FBXO25: variants seen among roughly 807,000 people sequenced by gnomAD.
FBXO25 encodes the protein F-box only protein 25.
In FBXO25, 45 loss-of-function variants were observed where a neutral mutation model predicts 51.9. The ratio of observed to expected loss-of-function variants is 0.87; its 90% CI spans 0.68 to 1.11. FBXO25 has a LOEUF of 1.11. Ranked by LOEUF, FBXO25 falls within the 50% of genes most tolerant of loss-of-function variation. The pLI is 0.00. For synonymous variants in FBXO25, 199 were observed against 151.0 expected (o/e 1.32, Z -2.33); for missense variants, 507 against 428.5 (o/e 1.18, Z -1.62).
Position 472,547 on chromosome 8 carries a change from G to A in FBXO25, c.*3743G>A, listed in dbSNP as rs1462346112. On this transcript the variant is annotated 3_prime_UTR_variant, in exon 10 of 10. Transcript: ENST00000350302. ...GCCACCCACCACCTTGTGATCTCTT[G>A]GGTTTTGGTGTCCATCTCATAGGAT... The A allele has an allele frequency of 3.2e-5, 4 of 123,480 alleles. No homozygotes were observed. Among genetic ancestry groups the A allele is most frequent in the Non-Finnish European group, 3.2e-5 (2 of 63,130 alleles). 7.6% of individuals were successfully genotyped at this position (123,480 alleles called of 1,614,324 possible).
intron 4 of FBXO25, among the ~76,000 whole-genome samples, chr8:434,491 A>G (rs895778795): frequency 4.6e-5 from 7 of 152,122 alleles, no homozygotes; most frequent in African/African-American, 1.7e-4. Context: ...GATGTTTTAA[A>G]TGAGTATATT....
At chr8:452,404 C>T (rs1208785365) in intron 7 of FBXO25, among the ~76,000 whole-genome samples, 1 of 148,726 alleles carries the variant, frequency 6.7e-6, no homozygotes, top group Non-Finnish European at 1.5e-5. Context: ...TTCGCTGCCT[C>T]TTTTACTGCG....
In FBXO25 at chr8:475,004, G is replaced by C. The variant is rs901470691; in HGVS notation, c.*6200G>C. The C allele has an allele frequency of 5.0e-6, 2 of 400,830 alleles. No homozygotes were observed. Among genetic ancestry groups the C allele is most frequent in the Non-Finnish European group, 9.7e-6 (2 of 205,318 alleles). The allele number at this position is 400,830 out of a possible 1,614,324, so 24.8% of individuals were successfully genotyped here. ...TTGTTTCTTTCTTTTAGTTACCTGT[G>C]TGTGCCTCTGGTGTCATATCTAAGA... On this transcript the variant is annotated 3_prime_UTR_variant, in exon 10 of 10. Coordinates refer to ENST00000350302, the MANE Select transcript of FBXO25 (RefSeq NM_183420.2).
chr8:450,199 AAAT>A (rs3841577), intron 6 of FBXO25, 116 bp downstream of exon 6: 69,559 of 592,652 alleles, frequency 0.12, 5,801 homozygotes, highest in African/African-American at 0.34. Flanking sequence ...ACAATTGTGT[AAAT>A]AATGTGATAA....
intron 8 of FBXO25, among the ~76,000 whole-genome samples, chr8:462,274 G>A (rs1005220404): frequency 6.6e-6 from 1 of 152,166 alleles, no homozygotes; most frequent in African/African-American, 2.4e-5. Flanking sequence ...CCATTTCTGA[G>A]ACTTATTTAG....
At chr8:468,054 C>G in intron 9 of FBXO25, 1 of 1,197,548 alleles carries the variant, frequency 8.4e-7, no homozygotes, top group Middle Eastern at 3.4e-4. Flanking sequence ...TGGAGAGATC[C>G]AGCACTGACC....
intron 1 of FBXO25, among the ~76,000 whole-genome samples, chr8:409,486 G>T (rs1362241994): frequency 6.6e-6 from 1 of 152,134 alleles, no homozygotes; most frequent in South Asian, 2.1e-4. Flanking sequence ...TGAATTATCT[G>T]TAGAGTTTAG....
chr8:461,428 G>C (rs2116814345), intron 8 of FBXO25, among the ~76,000 whole-genome samples: 1 of 152,312 alleles, frequency 6.6e-6, no homozygotes, highest in South Asian at 2.1e-4. Context: ...CATGGCAGCA[G>C]GCAAGAGAGC....
rs947550948 is a variant in FBXO25 at position 472,284 on chromosome 8, A to G, written c.*3480A>G. The G allele has an allele frequency of 3.9e-5, 6 of 152,170 alleles. No individual in the cohort carries two copies. The highest frequency in any genetic ancestry group is 8.8e-5 in the Non-Finnish European group (6 of 68,024). The allele number at this position is 152,170 out of a possible 1,614,324, so 9.4% of individuals were successfully genotyped here. On this transcript the variant is annotated 3_prime_UTR_variant, in exon 10 of 10. Transcript: ENST00000350302. The stretch of plus-strand genomic sequence containing the variant: ...ATCGTGAAAGGGTGTGGATTTTGTC[A>G]AATGCTTTTTCTGCATCTCTTAAGA...
chr8:420,275 C>G (rs1164382796), intron 2 of FBXO25: 1 of 152,174 alleles, frequency 6.6e-6, no homozygotes, highest in Non-Finnish European at 1.5e-5. Flanking sequence ...AGAACAATCA[C>G]GAAGCATCCC....
chr8:430,328 C>G (rs1797750349), intron 2 of FBXO25, among the ~76,000 whole-genome samples: 1 of 152,124 alleles, frequency 6.6e-6, no homozygotes, highest in African/African-American at 2.4e-5. Flanking sequence ...ACAAAAAGTT[C>G]AGTTGTTTGT....
chr8:419,567 T>C (rs1797027821), intron 2 of FBXO25, among the ~76,000 whole-genome samples: 1 of 152,156 alleles, frequency 6.6e-6, no homozygotes, highest in Admixed American at 6.5e-5. Context: ...ATGGAGAAAG[T>C]GTAATCTTGT....
intron 2 of FBXO25, among the ~76,000 whole-genome samples, chr8:430,389 C>G (rs923026646): frequency 6.6e-6 from 1 of 151,968 alleles, no homozygotes; most frequent in African/African-American, 2.4e-5. Flanking sequence ...ACTGTTGGCA[C>G]CGCTGTTTAA....
chr8:466,743 A>G lies in FBXO25; in HGVS notation c.988-1972A>G, dbSNP rs537239600. 7.9e-5 allele frequency among the ~76,000 whole-genome samples: 12 copies of G among 152,064 alleles called. No individual in the cohort carries two copies. The East Asian group carries it at 2.3e-3, about 30-fold the overall frequency. ...GTTTCCCATCTGTTGTGGCTCTACT[A>G]TATTGGAGTTCTTTTTTAACTTTTC... On this transcript the variant is annotated intron_variant, in intron 9 of 9. Transcript: ENST00000350302.
rs1167784849 is a variant in FBXO25 at position 477,046 on chromosome 8, TCTG to T, written c.*8246_*8248del. ...ATTTCCCTTGTGAGTTCCCCATTAATCTGCTGGTTGAGAGCGTTGTTTAATTTT... is the reference window on the plus strand; with the variant it reads ...ATTTCCCTTGTGAGTTCCCCATTAATCTGGTTGAGAGCGTTGTTTAATTTT... On this transcript the variant is annotated 3_prime_UTR_variant, in exon 10 of 10. Transcript: ENST00000350302. 1 of 152,236 alleles carries T rather than the reference TCTG, an allele frequency of 6.6e-6. No homozygotes were observed. Among genetic ancestry groups the T allele is most frequent in the Non-Finnish European group, 1.5e-5 (1 of 68,046 alleles). 9.4% of individuals were successfully genotyped at this position (152,236 alleles called of 1,614,324 possible).
chr8:462,934 A>AAAAGTTTT (rs1799911027), intron 8 of FBXO25, 73 bp from the exon 9 acceptor site: 2 of 1,511,748 alleles, frequency 1.3e-6, no homozygotes, highest in African/African-American at 2.8e-5. Context: ...AATAAAATGA[A>AAAAGTTTT]AAAGTTTTAC....
chr8:440,704 A>C (rs1220340696), intron 5 of FBXO25, among the ~76,000 whole-genome samples: 1 of 152,112 alleles, frequency 6.6e-6, no homozygotes, highest in Non-Finnish European at 1.5e-5. Context: ...CGTCATCTAC[A>C]TTAGGTATTT....
chr8:476,866 T>G lies in FBXO25; in HGVS notation c.*8062T>G, dbSNP rs1281842572. ...TGGCTTTGGGTTGATTGCTCTTCTT[T>G]TTCTAGTTCTTTCAGATGTAAATTT... On this transcript the variant is annotated 3_prime_UTR_variant, in exon 10 of 10. Coordinates refer to ENST00000350302, the MANE Select transcript of FBXO25 (RefSeq NM_183420.2). 6.6e-6 allele frequency: 1 copy of G among 152,176 alleles called. No individual in the cohort carries two copies. The highest frequency in any genetic ancestry group is 1.9e-4 in the East Asian group (1 of 5,202). 9.4% of individuals were successfully genotyped at this position (152,176 alleles called of 1,614,324 possible).
rs1241303132 is a variant in FBXO25 at position 451,282 on chromosome 8, C to T, written c.489C>T (p.His163=). ...DKIVQKVLDD[H]HNPRLIKDLL... ...TATTTATTCCAGTTCTTGATGACCA[C>T]CACAATCCTCGCTTAATCAAAGATC... The change falls in exon 7 of 10, where the codon CAC becomes CAT. Residue 163 remains histidine (H), a synonymous_variant. Transcript: ENST00000350302. 6.2e-7 allele frequency: 1 copy of T among 1,605,934 alleles called. No homozygotes were observed.
Sources: gnomAD v4.1 joint callset for allele counts (sites outside exome capture counted in the v4.1 genomes callset) on GRCh38, gnomAD v4.1.1 for gene constraint, MANE v1.5 for transcripts, NCBI Gene and HGNC (gene_info 2026-07-23, HGNC 2026-07-21) for gene names.